RAP1GAP2: variants seen among roughly 807,000 people sequenced by gnomAD.
RAP1GAP2 encodes the protein RAP1 GTPase activating protein 2, also known as rap1 GTPase-activating protein 2.
Under a neutral mutation model 95.0 loss-of-function variants are expected in RAP1GAP2, and 27 were observed. The observed-to-expected ratio is 0.28, with a 90% CI of 0.21 to 0.39. The LOEUF (loss-of-function observed/expected upper bound fraction) is 0.39, where lower values mean the gene tolerates loss of function less well. Among genes scored for constraint, RAP1GAP2 ranks in the 10% least tolerant of loss-of-function variants. The probability of loss-of-function intolerance (pLI) is 1.00; values close to 1 mark genes in which losing one functional copy is unlikely to be tolerated. For missense variants in RAP1GAP2, 771 were observed against 970.0 expected, an observed-to-expected ratio of 0.79 and a Z score of 2.72; for synonymous variants, 373 against 380.9, an observed-to-expected ratio of 0.98 and a Z score of 0.24.
chr17:2,918,856 A>T (rs2042659859), intron 3 of RAP1GAP2, among the ~76,000 whole-genome samples: 1 of 152,186 alleles, frequency 6.6e-6, no homozygotes, highest in South Asian at 2.1e-4. Flanking sequence ...GCTGTAGTGA[A>T]GATTAATTGA....
At chr17:2,882,920 C>T (rs563323586) in intron 2 of RAP1GAP2, among the ~76,000 whole-genome samples, 16 of 152,330 alleles carry the variant, frequency 1.1e-4, no homozygotes, top group South Asian at 8.3e-4. Flanking sequence ...TACAGATACT[C>T]GCGGAATGAA....
intron 2 of RAP1GAP2, among the ~76,000 whole-genome samples, chr17:2,771,493 T>TG (rs1032079669): frequency 4.0e-5 from 6 of 148,332 alleles, no homozygotes; most frequent in Non-Finnish European, 3.0e-5. Flanking sequence ...TTTGTTTTTT[T>TG]TTTTTGTTTT....
At chr17:3,019,695 A>G (rs1341854974) in intron 18 of RAP1GAP2, among the ~76,000 whole-genome samples, 1 of 152,206 alleles carries the variant, frequency 6.6e-6, no homozygotes, top group Admixed American at 6.5e-5. Context: ...TTCCCCCTGA[A>G]GGTGCATGGC....
chr17:2,824,133 AAAAG>A (rs1320141867), intron 2 of RAP1GAP2, among the ~76,000 whole-genome samples: 4 of 146,866 alleles, frequency 2.7e-5, no homozygotes, highest in Admixed American at 6.9e-5. Context: ...AAAAAAAAAA[AAAAG>A]AAAGAAAGAA....
rs1170011799 is a variant in RAP1GAP2 at position 3,004,085 on chromosome 17, C to T, written c.1201-1284C>T. Among the ~76,000 whole-genome samples, 1 of 152,180 alleles carries T rather than the reference C, an allele frequency of 6.6e-6. No individual in the cohort carries two copies. Among genetic ancestry groups the T allele is most frequent in the Non-Finnish European group, 1.5e-5 (1 of 68,022 alleles). ...CCAGGTGCCCACGGTCTGCAGTCTCCCCATAGCCTTCCCACACCCCCACCC... is the reference window on the plus strand; with the variant it reads ...CCAGGTGCCCACGGTCTGCAGTCTCTCCATAGCCTTCCCACACCCCCACCC... On this transcript the variant is annotated intron_variant, in intron 14 of 24. Coordinates refer to ENST00000254695, the MANE Select transcript of RAP1GAP2 (RefSeq NM_015085.5). The surrounding 1 kb of genome is among the most constrained non-coding windows in gnomAD (Gnocchi z 4.1).
intron 2 of RAP1GAP2, among the ~76,000 whole-genome samples, chr17:2,770,781 C>CCAA (rs748983711): frequency 6.6e-6 from 1 of 152,204 alleles, no homozygotes; most frequent in Non-Finnish European, 1.5e-5. Context: ...TGGCTCATGC[C>CCAA]TGTAATCCCA....
At chr17:2,913,441 A>G (rs2042460757) in intron 3 of RAP1GAP2, among the ~76,000 whole-genome samples, 1 of 152,096 alleles carries the variant, frequency 6.6e-6, no homozygotes, top group Non-Finnish European at 1.5e-5. Flanking sequence ...GGCACACGCC[A>G]CCATGCCCAG....
At position 2,985,027 on chromosome 17, in the gene RAP1GAP2, C is replaced by A. The variant is rs1436104249; in HGVS notation, c.774C>A (p.Asn258Lys). ...IVSYDEHEVN[N>K]TFKFGVIYQK... The stretch of plus-strand genomic sequence containing the variant: ...CCTATGATGAGCATGAAGTCAACAA[C>A]ACATTCAAATTCGGAGTCATTTATC... Residue 258 changes from asparagine (N) to lysine (K), a missense_variant, in exon 11 of 25, where the codon AAC becomes AAA. Coordinates refer to ENST00000254695, the MANE Select transcript of RAP1GAP2 (RefSeq NM_015085.5). The A allele has an allele frequency of 1.2e-6, 2 of 1,613,650 alleles. No individual in the cohort carries two copies. Among genetic ancestry groups the A allele is most frequent in the African/African-American group, 2.7e-5 (2 of 74,856 alleles).
intron 11 of RAP1GAP2, among the ~76,000 whole-genome samples, chr17:2,991,002 G>T (rs2045732762): frequency 6.6e-6 from 1 of 151,896 alleles, no homozygotes; most frequent in South Asian, 2.1e-4. Context: ...CCACCACCAT[G>T]CCCAGTTACT....
At position 2,760,129 on chromosome 17, in the gene RAP1GAP2, C is replaced by T. The variant is rs186138391; in HGVS notation, c.50+4362C>T. On this transcript the variant is annotated intron_variant, in intron 1 of 25. Coordinates refer to the RAP1GAP2 transcript ENST00000637138. ...TAACACGGTGAAACCCCGTCTCTACCAAAAATACAAAAAATTAGCCAGGCG... is the reference window on the plus strand; with the variant it reads ...TAACACGGTGAAACCCCGTCTCTACTAAAAATACAAAAAATTAGCCAGGCG... Among the ~76,000 whole-genome samples the T allele has an allele frequency of 5.8e-4, 88 of 150,966 alleles. 1 individual carries two copies. In the East Asian group the frequency reaches 0.014, roughly 24 times the overall value.
At chr17:2,882,280 C>T (rs891397082) in intron 2 of RAP1GAP2, among the ~76,000 whole-genome samples, 2 of 150,474 alleles carry the variant, frequency 1.3e-5, no homozygotes, top group East Asian at 2.0e-4. Flanking sequence ...GTGTGCACCA[C>T]CACGCCCAGC....
chr17:2,974,865 T>C (rs1361833606), intron 8 of RAP1GAP2, among the ~76,000 whole-genome samples: 1 of 151,586 alleles, frequency 6.6e-6, no homozygotes, highest in Non-Finnish European at 1.5e-5. Flanking sequence ...AAACATCAAT[T>C]GAAGGTAGGA....
chr17:2,834,681 C>T (rs2071053156), intron 2 of RAP1GAP2, among the ~76,000 whole-genome samples: 1 of 152,020 alleles, frequency 6.6e-6, no homozygotes, highest in South Asian at 2.1e-4. Context: ...CTTGTAGTCT[C>T]AGCTACTCAG....
chr17:2,889,628 AG>A (rs2073619014), intron 2 of RAP1GAP2, among the ~76,000 whole-genome samples: 1 of 150,512 alleles, frequency 6.6e-6, no homozygotes, highest in African/African-American at 2.4e-5. Flanking sequence ...AATGTCCCAG[AG>A]AAAGAGGCCA....
intron 3 of RAP1GAP2, among the ~76,000 whole-genome samples, chr17:2,911,791 G>T (rs1479945563): frequency 1.3e-5 from 2 of 152,162 alleles, no homozygotes; most frequent in Admixed American, 1.3e-4. Context: ...ACCTTCCCAG[G>T]CCCCGTGAAG....
intron 8 of RAP1GAP2, among the ~76,000 whole-genome samples, chr17:2,976,376 T>C (rs1412993430): frequency 6.6e-6 from 1 of 152,162 alleles, no homozygotes; most frequent in Non-Finnish European, 1.5e-5. Flanking sequence ...TCCTTGAATA[T>C]AAGACAAATT....
In RAP1GAP2 at chr17:3,003,108, G is replaced by A. The variant is rs956931764; in HGVS notation, c.1201-2261G>A. 6.6e-6 allele frequency among the ~76,000 whole-genome samples: 1 copy of A among 152,122 alleles called. No homozygotes were observed. The highest frequency in any genetic ancestry group is 2.4e-5 in the African/African-American group (1 of 41,424). On this transcript the variant is annotated intron_variant, in intron 14 of 24. Transcript: ENST00000254695. This position sits in a 1 kb window ranked among gnomAD's most constrained non-coding sequence, Gnocchi z 4.1. ...AGCCCCTGGTGAGACAAGACCTCTCGCTAGAGGGAGGAAATGGAAGCTGAG... is the reference window on the plus strand; with the variant it reads ...AGCCCCTGGTGAGACAAGACCTCTCACTAGAGGGAGGAAATGGAAGCTGAG...
At position 2,891,809 on chromosome 17, in the gene RAP1GAP2, C is replaced by CT. The variant is rs1488865061; in HGVS notation, c.81-13471dup. On this transcript the variant is annotated intron_variant, in intron 2 of 24. Coordinates refer to ENST00000254695, the MANE Select transcript of RAP1GAP2 (RefSeq NM_015085.5). ...TCTGATGATATGCAGATTCATATTT[C>CT]TTTTCTTTTTTTTTTTTTTTTTTTT... is the stretch of plus-strand genomic sequence containing the variant. Among the ~76,000 whole-genome samples the CT allele has an allele frequency of 5.0e-3, 291 of 57,880 alleles. 1 individual carries two copies. Among genetic ancestry groups the CT allele is most frequent in the Non-Finnish European group, 9.3e-3 (228 of 24,582 alleles). The allele number at this position is 57,880 out of a possible 152,430, so 38.0% of individuals were successfully genotyped here.
Position 2,997,054 on chromosome 17 carries a change from C to T in RAP1GAP2, c.1045-1167C>T, listed in dbSNP as rs117088531. ...GCAGTGGTGCGATCATAGCTCACCG[C>T]GGCCTTGAACTTCAGGACAGGGTTA... On this transcript the variant is annotated intron_variant, in intron 13 of 24. Transcript: ENST00000254695. Among the ~76,000 whole-genome samples, 1,170 of 152,252 alleles carry T rather than the reference C, an allele frequency of 7.7e-3. 6 individuals carry two copies. Among genetic ancestry groups the T allele is most frequent in the Middle Eastern group, 0.034 (10 of 294 alleles).
Sources: allele counts gnomAD v4.1 joint callset (sites outside exome capture counted in the v4.1 genomes callset), GRCh38; gene constraint gnomAD v4.1.1; non-coding constraint Gnocchi (gnomAD v3.1); transcripts MANE v1.5; gene names NCBI Gene and HGNC (gene_info 2026-07-23, HGNC 2026-07-21).